Variants in GET4 observed in about 807,000 individuals in gnomAD.
The protein encoded by GET4 is Golgi to ER traffic protein 4 homolog.
Under a neutral mutation model 40.0 loss-of-function variants are expected in GET4, and 20 were observed. The ratio of observed to expected loss-of-function variants is 0.50; its 90% confidence interval spans 0.35 to 0.73. The LOEUF is 0.73. Among genes scored for constraint, GET4 ranks in the 30% least tolerant of loss-of-function variants. The pLI is 0.01. For missense variants in GET4, 557 were observed against 454.0 expected (o/e 1.23, Z -2.06); for synonymous variants, 280 against 194.6 (o/e 1.44, Z -3.65).
intron 1 of GET4, chr7:883,475 T>C (rs1347471326): frequency 3.1e-6 from 3 of 981,920 alleles, no homozygotes; most frequent in Non-Finnish European, 2.4e-6. Context: ...TGCTTTTTAA[T>C]GTTTTTGTAA....
At chr7:887,346 G>A in intron 3 of GET4, 24 bp from the exon 4 acceptor site, 1 of 1,571,942 alleles carries the variant, frequency 6.4e-7, no homozygotes, top group Non-Finnish European at 8.7e-7. Flanking sequence ...GCGTTCCTCT[G>A]ATGAGGGTCT....
intron 6 of GET4, among the ~76,000 whole-genome samples, chr7:892,765 TGTG>T (rs748823301): frequency 9.0e-5 from 13 of 144,452 alleles, no homozygotes; most frequent in South Asian, 2.2e-4. Context: ...TGGGTATCCA[TGTG>T]GTGTGGGGGT....
At position 891,315 on chromosome 7, in the gene GET4, C is replaced by G. The variant is rs1440983173; in HGVS notation, c.605+249C>G. ...AGTGCCCTACACACGCCCCTCGCCT[C>G]TCGCCCACTGCCGGGAGGCCCTGTG... On this transcript the variant is annotated intron_variant, in intron 5 of 8. Transcript: ENST00000265857. Among the ~76,000 whole-genome samples the G allele has an allele frequency of 3.3e-5, 5 of 152,386 alleles. No homozygotes were observed. The East Asian group carries it at 9.6e-4, about 29-fold the overall frequency.
chr7:890,363 C>T (rs200514353), intron 4 of GET4, among the ~76,000 whole-genome samples: 4 of 32,954 alleles, frequency 1.2e-4, no homozygotes, highest in Admixed American at 4.5e-4. Flanking sequence ...GGAGTGCGAG[C>T]GGGTGTCAGG....
chr7:893,623 TGGGCGC>T (rs1410877468), intron 6 of GET4, 111 bp from the exon 7 acceptor site: 287 of 651,184 alleles, frequency 4.4e-4, no homozygotes, highest in Non-Finnish European at 6.5e-4. Context: ...AGGTGAGTGT[TGGGCGC>T]GGGCGTGGTG....
In GET4 at chr7:896,039, AT is replaced by A. The variant is rs1844481813; in HGVS notation, c.*618del. The A allele has an allele frequency of 6.6e-6, 1 of 152,104 alleles. No homozygotes were observed. The highest frequency in any genetic ancestry group is 1.5e-5 in the Non-Finnish European group (1 of 68,004). 9.4% of individuals were successfully genotyped at this position (152,104 alleles called of 1,614,324 possible). A position where few individuals can be genotyped will look rare whatever the true frequency, so the allele number is the denominator to read the frequency against. On this transcript the variant is annotated 3_prime_UTR_variant, in exon 9 of 9. Coordinates refer to ENST00000265857, the MANE Select transcript of GET4 (RefSeq NM_015949.3). ...TACTTGCAGCTGTGTCCCATGTGGCATCCCAGAGCTGCGCCCTGCTGGTCTC... is the reference window on the plus strand; with the variant it reads ...TACTTGCAGCTGTGTCCCATGTGGCACCCAGAGCTGCGCCCTGCTGGTCTC...
chr7:895,458 A>C lies in GET4; in HGVS notation c.*36A>C. 1 of 1,124,380 alleles carries C rather than the reference A, an allele frequency of 8.9e-7. No homozygotes were observed. The highest frequency in any genetic ancestry group is 1.3e-6 in the Non-Finnish European group (1 of 746,900). The allele number at this position is 1,124,380 out of a possible 1,614,324, so 69.7% of individuals were successfully genotyped here. On this transcript the variant is annotated 3_prime_UTR_variant, in exon 9 of 9. Transcript: ENST00000265857. Reference sequence around the variant, plus strand: ...CCACGTGGAGACACCACGGTCGACGACGGCTGGAGGGACGTTTCAGAGGCG... The same window carrying C: ...CCACGTGGAGACACCACGGTCGACGCCGGCTGGAGGGACGTTTCAGAGGCG...
chr7:889,401 C>T (rs952851746), intron 4 of GET4, among the ~76,000 whole-genome samples: 1 of 152,256 alleles, frequency 6.6e-6, no homozygotes, highest in African/African-American at 2.4e-5. Flanking sequence ...CCTGGTGCTT[C>T]CCTCCTGGGG....
At chr7:882,638 C>G in intron 1 of GET4, 1 of 152,482 alleles carries the variant, frequency 6.6e-6, no homozygotes, top group Admixed American at 6.5e-5. Flanking sequence ...TTGTGGGCGG[C>G]CGACCTTGCC....
At chr7:877,165 C>G (rs982706913) in intron 1 of GET4, among the ~76,000 whole-genome samples, 1 of 151,438 alleles carries the variant, frequency 6.6e-6, no homozygotes, top group Non-Finnish European at 1.5e-5. Context: ...CGGTCTCTGT[C>G]TCTCTCCGGC....
At position 886,570 on chromosome 7, in the gene GET4, A is replaced by G. The variant is rs749535284; in HGVS notation, c.236A>G (p.Gln79Arg). 1.2e-6 allele frequency: 2 copies of G among 1,610,664 alleles called. No individual in the cohort carries two copies. Among genetic ancestry groups the G allele is most frequent in the Non-Finnish European group, 1.7e-6 (2 of 1,177,386 alleles). ...GALLFFSHGQ[Q>R]NSAADLSMLV... ...CTTGTGTGTTGCTTTCTCTTGTAGC[A>G]AAACAGTGCAGCAGACTTGTCCATG... The change falls in exon 3 of 9, where the codon CAA becomes CGA. Residue 79 changes from glutamine to arginine, a missense_variant and splice_region_variant. By Grantham distance (43) the Gln-to-Arg change is conservative (BLOSUM62 1). Coordinates refer to ENST00000265857, the MANE Select transcript of GET4 (RefSeq NM_015949.3).
At chr7:887,015 T>C in intron 3 of GET4, 1 of 523,990 alleles carries the variant, frequency 1.9e-6, no homozygotes, top group Non-Finnish European at 3.6e-6. Flanking sequence ...TTCTGTGAGC[T>C]GCCTGGCTGC....
intron 1 of GET4, among the ~76,000 whole-genome samples, chr7:877,620 T>G (rs1254961752): frequency 3.7e-5 from 3 of 80,202 alleles, no homozygotes; most frequent in Non-Finnish European, 7.5e-5. Flanking sequence ...CCCCCACCTC[T>G]CCCGTAGTCT....
chr7:891,970 C>G (rs1005934503), intron 5 of GET4, among the ~76,000 whole-genome samples: 1 of 152,212 alleles, frequency 6.6e-6, no homozygotes. Flanking sequence ...AGCGCCTGAC[C>G]GGTGCGGGCG....
At position 892,416 on chromosome 7, in the gene GET4, C is replaced by T. The variant is rs41273984; in HGVS notation, c.744C>T (p.Asp248=). 7.4e-3 allele frequency: 11,714 copies of T among 1,586,276 alleles called. 120 individuals carry two copies. The highest frequency in any genetic ancestry group is 0.029 in the Middle Eastern group (139 of 4,740). Residue 248 remains aspartate (D), a splice_region_variant and synonymous_variant, in exon 6 of 9, where the codon GAC becomes GAT. Transcript: ENST00000265857. ...TCTGGTTCCTGCTGCTGGCTGTGGA[C>T]GGGTGCGTCTTGGGATCCTGCAGGG... is the stretch of plus-strand genomic sequence containing the variant. ...NFIWFLLLAV[D]GGKLTVFTVL...
chr7:894,031 C>T, intron 8 of GET4, 60 bp downstream of exon 8: 1 of 1,168,994 alleles, frequency 8.6e-7, no homozygotes, highest in South Asian at 1.5e-5. Context: ...GGGTCATCAT[C>T]TCTGCCCAGG....
At chr7:880,435 T>TC (rs549428870) in intron 1 of GET4, 87 of 152,372 alleles carry the variant, frequency 5.7e-4, no homozygotes, top group African/African-American at 1.9e-3. Flanking sequence ...ACTTCTACGG[T>TC]GACGAGGGAT....
intron 1 of GET4, among the ~76,000 whole-genome samples, chr7:877,499 C>T (rs1189447301): frequency 1.3e-5 from 1 of 76,922 alleles, no homozygotes; most frequent in Non-Finnish European, 2.6e-5. Flanking sequence ...CCTCTGCCCA[C>T]CCCCCGTCTC....
chr7:887,577 C>G, intron 4 of GET4, 58 bp downstream of exon 4: 1 of 1,326,898 alleles, frequency 7.5e-7, no homozygotes, highest in African/African-American at 1.5e-5. Flanking sequence ...TTGATTTGCA[C>G]TGTGCGTTCC....
Sources: allele counts gnomAD v4.1 joint callset (sites outside exome capture counted in the v4.1 genomes callset), GRCh38; gene constraint gnomAD v4.1.1; transcripts MANE v1.5; gene names NCBI Gene and HGNC (gene_info 2026-07-23, HGNC 2026-07-21).